GLIPR1L2: variants seen among roughly 807,000 people sequenced by gnomAD.
GLIPR1L2 encodes GLIPR1 like 2.
Under a neutral mutation model 28.4 loss-of-function variants are expected in GLIPR1L2, and 21 were observed. That is an observed-to-expected ratio of 0.74 (90% CI 0.52 to 1.06). The LOEUF (loss-of-function observed/expected upper bound fraction) is 1.06, where lower values mean the gene tolerates loss of function less well. Ranked by LOEUF, GLIPR1L2 falls within the 50% of genes least tolerant of loss-of-function variation. The pLI is 0.00. For synonymous variants in GLIPR1L2, 145 were observed against 139.3 expected (o/e 1.04, Z -0.29); for missense variants, 476 against 416.9 (o/e 1.14, Z -1.23).
chr12:75,420,718 A>T, intron 3 of GLIPR1L2, among the ~76,000 whole-genome samples: 1 of 152,222 alleles, frequency 6.6e-6, no homozygotes, highest in South Asian at 2.1e-4. Flanking sequence ...TGAAGTTGGG[A>T]GTTGTGTTGT....
At position 75,420,272 on chromosome 12, in the gene GLIPR1L2, C is replaced by T. The variant is rs944200373; in HGVS notation, c.585-2632C>T. 3.0e-4 allele frequency among the ~76,000 whole-genome samples: 45 copies of T among 152,184 alleles called. 1 individual carries two copies. Among genetic ancestry groups the T allele is most frequent in the Admixed American group, 2.9e-3 (45 of 15,276 alleles). ...TGTCAAGCTATGGGCTGGATTACCT[C>T]CTTGATGAACAAGATGGTGGCAGAT... On this transcript the variant is annotated intron_variant, in intron 3 of 5. Coordinates refer to ENST00000550916, the MANE Select transcript of GLIPR1L2 (RefSeq NM_001270396.2).
At position 75,431,069 on chromosome 12, in the gene GLIPR1L2, A is replaced by G. The variant is rs1033072781; in HGVS notation, c.943A>G (p.Met315Val). The change falls in exon 6 of 6, where the codon ATG (methionine) becomes GTG (valine). Residue 315 changes from methionine to valine, a missense_variant. Transcript: ENST00000550916. ...EEKKEKEEME[M>V]EIMEMEEEKE... Reference sequence around the variant, plus strand: ...GAAGAAAGAGAAAGAGGAAATGGAAATGGAAATAATGGAAATGGAGGAGGA... The same window carrying G: ...GAAGAAAGAGAAAGAGGAAATGGAAGTGGAAATAATGGAAATGGAGGAGGA... 4.5e-6 allele frequency: 6 copies of G among 1,332,854 alleles called. No individual in the cohort carries two copies. The African/African-American group carries it at 8.7e-5, about 19-fold the overall frequency. 82.6% of individuals were successfully genotyped at this position (1,332,854 alleles called of 1,614,324 possible). A position where few individuals can be genotyped will look rare whatever the true frequency, so the allele number is the denominator to read the frequency against.
chr12:75,400,837 T>A (rs2045732850), intron 1 of GLIPR1L2, among the ~76,000 whole-genome samples: 1 of 152,174 alleles, frequency 6.6e-6, no homozygotes, highest in African/African-American at 2.4e-5. Flanking sequence ...GTATTAGGGC[T>A]AGCATTCCTG....
intron 1 of GLIPR1L2, among the ~76,000 whole-genome samples, chr12:75,399,705 T>C (rs2045718820): frequency 6.6e-6 from 1 of 152,236 alleles, no homozygotes; most frequent in Non-Finnish European, 1.5e-5. Flanking sequence ...ATATGTATTT[T>C]TTGCTATTCA....
chr12:75,422,771 A>T, intron 3 of GLIPR1L2, 133 bp from the exon 4 acceptor site: 2 of 644,330 alleles, frequency 3.1e-6, no homozygotes, highest in Non-Finnish European at 5.2e-6. Flanking sequence ...ATCTCTAATT[A>T]AAGTATTTCC....
chr12:75,406,965 G>A (rs1011936895), intron 1 of GLIPR1L2, among the ~76,000 whole-genome samples: 4 of 151,864 alleles, frequency 2.6e-5, no homozygotes, highest in African/African-American at 7.3e-5. Context: ...TTTAAGGAGA[G>A]TCTCCCACAC....
rs572536517 is a variant in GLIPR1L2, at chr12:75,425,697, C to T, written c.670+2708C>T. Among the ~76,000 whole-genome samples the T allele has an allele frequency of 1.2e-3, 178 of 152,212 alleles. 2 individuals carry two copies. Among genetic ancestry groups the T allele is most frequent in the South Asian group, 2.9e-3 (14 of 4,826 alleles). On this transcript the variant is annotated intron_variant, in intron 4 of 5. Coordinates refer to ENST00000550916, the MANE Select transcript of GLIPR1L2 (RefSeq NM_001270396.2). ...ACCTGACATCACTTATTTTTATTTG[C>T]TAAATCTCAGTGTCTAAGCAGAGTG...
At chr12:75,403,184 T>G (rs1426458068) in intron 1 of GLIPR1L2, 1 of 455,760 alleles carries the variant, frequency 2.2e-6, no homozygotes, top group Non-Finnish European at 4.4e-6. Flanking sequence ...CAGATGACAG[T>G]CTGTTGAAGG....
rs1202232589 is a variant in GLIPR1L2, at chr12:75,391,367, G to A, written c.234+17G>A. 4 of 1,610,908 alleles carry A rather than the reference G, an allele frequency of 2.5e-6. No homozygotes were observed. The highest frequency in any genetic ancestry group is 3.4e-6 in the Non-Finnish European group (4 of 1,177,162). On this transcript the variant is annotated intron_variant, in intron 1 of 5. Coordinates refer to ENST00000550916, the MANE Select transcript of GLIPR1L2 (RefSeq NM_001270396.2). ...CGCTTCATGGTGAGGCCGGAAGGCGGTTTGCCGACCCTTCCACTACCGTTG... is the reference window on the plus strand; with the variant it reads ...CGCTTCATGGTGAGGCCGGAAGGCGATTTGCCGACCCTTCCACTACCGTTG...
chr12:75,412,635 C>T (rs1260500221), intron 2 of GLIPR1L2, among the ~76,000 whole-genome samples: 1 of 151,948 alleles, frequency 6.6e-6, no homozygotes, highest in Non-Finnish European at 1.5e-5. Flanking sequence ...CAAATCAAAA[C>T]CACAATGAGA....
intron 4 of GLIPR1L2, among the ~76,000 whole-genome samples, chr12:75,426,531 T>G (rs2046036078): frequency 6.6e-6 from 1 of 152,238 alleles, no homozygotes; most frequent in South Asian, 2.1e-4. Context: ...TTTTCTTATA[T>G]CTTTCCTATT....
Position 75,431,107 on chromosome 12 carries a change from A to AGAG in GLIPR1L2, c.996_998dup (p.Glu333dup), listed in dbSNP as rs746374902. ...AAATGGAGGAGGAAAAAGAAGAGAG[A>AGAG]GAGGAGGAGGAGGAGGAAACACAAA... On this transcript the variant is annotated inframe_insertion, in exon 6 of 6. Transcript: ENST00000550916. 124 of 1,079,086 alleles carry AGAG rather than the reference A, an allele frequency of 1.1e-4. No individual in the cohort carries two copies. The highest frequency in any genetic ancestry group is 1.6e-4 in the Non-Finnish European group (115 of 732,662). The allele number at this position is 1,079,086 out of a possible 1,614,324, so 66.8% of individuals were successfully genotyped here. A position where few individuals can be genotyped will look rare whatever the true frequency, so the allele number is the denominator to read the frequency against.
chr12:75,426,608 T>A (rs2046036680), intron 4 of GLIPR1L2, among the ~76,000 whole-genome samples: 1 of 152,224 alleles, frequency 6.6e-6, no homozygotes, highest in Admixed American at 6.5e-5. Flanking sequence ...TTCACAGAAC[T>A]GTACTTCCTG....
At chr12:75,426,583 A>C (rs969374374) in intron 4 of GLIPR1L2, among the ~76,000 whole-genome samples, 6 of 152,194 alleles carry the variant, frequency 3.9e-5, no homozygotes, top group African/African-American at 1.2e-4. Flanking sequence ...ACCTGAAGCT[A>C]TACAGAGAAA....
chr12:75,391,663 C>G, intron 1 of GLIPR1L2: 1 of 630,934 alleles, frequency 1.6e-6, no homozygotes, highest in South Asian at 1.6e-5. Context: ...AATTAAAAAT[C>G]AGTGCAAAAA....
chr12:75,430,968 T>C lies in GLIPR1L2; in HGVS notation c.842T>C (p.Ile281Thr). 3.9e-6 allele frequency: 6 copies of C among 1,535,398 alleles called. No homozygotes were observed. The highest frequency in any genetic ancestry group is 1.4e-5 in the African/African-American group (1 of 73,038). The change falls in exon 6 of 6, where the codon ATC becomes ACC. Residue 281 changes from isoleucine to threonine, a missense_variant. Ile to Thr is a moderately conservative substitution (Grantham distance 89). Coordinates refer to ENST00000550916, the MANE Select transcript of GLIPR1L2 (RefSeq NM_001270396.2). ...ATAGTACAGTCTCAGTTTCCAAATA[T>C]CTTGTTGGAACAACAAATGATATTT... ...VLIVQSQFPN[I>T]LLEQQMIFTP...
At chr12:75,410,776 A>G in intron 2 of GLIPR1L2, 97 bp downstream of exon 2, 1 of 898,450 alleles carries the variant, frequency 1.1e-6, no homozygotes, top group African/African-American at 1.7e-5. Context: ...CTCAAATAAT[A>G]AAATTATCAC....
chr12:75,431,339 T>C lies in GLIPR1L2; in HGVS notation c.*178T>C. On this transcript the variant is annotated 3_prime_UTR_variant, in exon 6 of 6. Coordinates refer to ENST00000550916, the MANE Select transcript of GLIPR1L2 (RefSeq NM_001270396.2). ...CTATACTTATTCAATCAATTTAAAT[T>C]TGTAAAACAAAGAAACAAAAAACAT... 2.1e-6 allele frequency: 1 copy of C among 475,918 alleles called. No homozygotes were observed. Among genetic ancestry groups the C allele is most frequent in the Non-Finnish European group, 3.7e-6 (1 of 272,850 alleles). The allele number at this position is 475,918 out of a possible 1,614,324, so 29.5% of individuals were successfully genotyped here.
At chr12:75,418,660 G>A (rs7967699) in intron 3 of GLIPR1L2, among the ~76,000 whole-genome samples, 52,984 of 151,876 alleles carry the variant, frequency 0.35, 9,613 homozygotes, top group East Asian at 0.46. Flanking sequence ...TTGGCTATTC[G>A]GGCTCTTTTT....
Sources: gnomAD v4.1 joint callset for allele counts (sites outside exome capture counted in the v4.1 genomes callset) on GRCh38, gnomAD v4.1.1 for gene constraint, MANE v1.5 for transcripts, NCBI Gene and HGNC (gene_info 2026-07-23, HGNC 2026-07-21) for gene names.